CDC42BPB: variants seen among roughly 807,000 people sequenced by gnomAD.
CDC42BPB encodes the protein CDC42 binding protein kinase beta, also known as serine/threonine-protein kinase MRCK beta.
In CDC42BPB, 37 loss-of-function variants were observed where a neutral mutation model predicts 214.9. The observed-to-expected ratio is 0.17, with a 90% CI of 0.13 to 0.23. The LOEUF is 0.23. Among genes scored for constraint, CDC42BPB ranks in the 10% least tolerant of loss-of-function variants. CDC42BPB has a pLI of 1.00. For missense variants in CDC42BPB, 1,694 were observed against 2,227.0 expected (o/e 0.76, Z 4.82); for synonymous variants, 931 against 884.0 (o/e 1.05, Z -0.94).
intron 4 of CDC42BPB, among the ~76,000 whole-genome samples, chr14:103,000,571 C>T (rs545845250): frequency 6.6e-6 from 1 of 152,368 alleles, no homozygotes; most frequent in East Asian, 1.9e-4. Flanking sequence ...TGGGGAAGCA[C>T]GTGGCCTGAA....
chr14:102,964,756 C>T (rs1378742504), intron 18 of CDC42BPB, 106 bp from the exon 19 acceptor site: 2 of 1,387,726 alleles, frequency 1.4e-6, no homozygotes, highest in Non-Finnish European at 1.9e-6. Flanking sequence ...ATTACGGTCT[C>T]ATTTAGATAT....
At chr14:102,983,831 A>G (rs1039255452) in intron 6 of CDC42BPB, 75 bp from the exon 7 acceptor site, 6 of 1,518,948 alleles carry the variant, frequency 4.0e-6, no homozygotes, top group Non-Finnish European at 5.3e-6. Flanking sequence ...TTTCTCTAAA[A>G]TATAGCGGAG....
chr14:102,940,747 G>C (rs1257704847), intron 30 of CDC42BPB: 1 of 242,720 alleles, frequency 4.1e-6, no homozygotes, highest in Non-Finnish European at 8.2e-6. Context: ...CCGGTTTCCA[G>C]GTAGGTATTA....
chr14:103,056,936 ATGCGCGGGCTGG>A, intron 1 of CDC42BPB, 51 bp downstream of exon 1: 2 of 1,167,396 alleles, frequency 1.7e-6, no homozygotes, highest in Non-Finnish European at 2.2e-6. Flanking sequence ...GGGCGTGGGG[ATGCGCGGGCTGG>A]GGCGCGGGGG....
intron 5 of CDC42BPB, among the ~76,000 whole-genome samples, chr14:102,992,985 C>G (rs1357634679): frequency 6.6e-6 from 1 of 151,788 alleles, no homozygotes; most frequent in Admixed American, 6.6e-5. Flanking sequence ...TGCACTACCA[C>G]GCCCAGCTAG....
chr14:102,983,319 C>T (rs956486906), intron 7 of CDC42BPB, among the ~76,000 whole-genome samples: 1 of 152,100 alleles, frequency 6.6e-6, no homozygotes, highest in Non-Finnish European at 1.5e-5. Context: ...GTGGGGGTCA[C>T]CCTCAGAACC....
At chr14:102,989,702 T>G (rs143685745) in intron 5 of CDC42BPB, among the ~76,000 whole-genome samples, 1,934 of 152,164 alleles carry the variant, frequency 0.013, 20 homozygotes, top group Non-Finnish European at 0.021. Flanking sequence ...GAGTACCCTG[T>G]CTTTATTAAA....
intron 1 of CDC42BPB, among the ~76,000 whole-genome samples, chr14:103,048,416 C>T (rs1045669975): frequency 3.3e-5 from 5 of 150,830 alleles, no homozygotes; most frequent in African/African-American, 7.3e-5. Context: ...TGGCTGGGCG[C>T]GGTAGCTCAC....
intron 36 of CDC42BPB, chr14:102,934,144 C>T: frequency 1.6e-6 from 1 of 629,350 alleles, no homozygotes. Context: ...TGCCTGTAAT[C>T]CCAGCACTTT....
At chr14:102,949,972 C>A (rs1177451124) in intron 25 of CDC42BPB, 68 bp from the exon 26 acceptor site, 14 of 1,588,068 alleles carry the variant, frequency 8.8e-6, no homozygotes, top group African/African-American at 1.3e-5. Context: ...CCATTACACT[C>A]GTTCACAATC....
chr14:103,035,110 G>A (rs1244609764), intron 1 of CDC42BPB, among the ~76,000 whole-genome samples: 2 of 150,896 alleles, frequency 1.3e-5, no homozygotes, highest in South Asian at 4.2e-4. Flanking sequence ...AGGCTGGAGT[G>A]CAAGTGGCAC....
At chr14:102,971,347 C>T (rs538271794) in intron 13 of CDC42BPB, among the ~76,000 whole-genome samples, 18 of 152,154 alleles carry the variant, frequency 1.2e-4, no homozygotes, top group Non-Finnish European at 2.5e-4. Context: ...TAATTTCTGC[C>T]ATGGTGCATG....
chr14:103,007,802 A>AGCG (rs891652790), intron 3 of CDC42BPB, among the ~76,000 whole-genome samples: 1 of 151,784 alleles, frequency 6.6e-6, no homozygotes, highest in African/African-American at 2.4e-5. Flanking sequence ...AGCAGGAAGC[A>AGCG]GGTCAACTGG....
intron 1 of CDC42BPB, among the ~76,000 whole-genome samples, chr14:103,034,479 C>T (rs1369467974): frequency 2.0e-5 from 3 of 152,128 alleles, no homozygotes; most frequent in Admixed American, 2.0e-4. Context: ...CAATCAACAA[C>T]AGGAATTACC....
intron 18 of CDC42BPB, among the ~76,000 whole-genome samples, chr14:102,965,769 C>T (rs1336448272): frequency 6.6e-6 from 1 of 152,004 alleles, no homozygotes; most frequent in South Asian, 2.1e-4. Context: ...CCAGCCTGGC[C>T]AACATGGTGG....
At chr14:102,964,872 T>A in intron 18 of CDC42BPB, 1 of 589,846 alleles carries the variant, frequency 1.7e-6, no homozygotes, top group Non-Finnish European at 2.1e-6. Flanking sequence ...TAATTTACTT[T>A]ATCTTTTAGA....
At chr14:103,018,121 A>T (rs746565962) in intron 1 of CDC42BPB, among the ~76,000 whole-genome samples, 8 of 152,168 alleles carry the variant, frequency 5.3e-5, no homozygotes, top group Non-Finnish European at 1.0e-4. Flanking sequence ...TCAAATACAC[A>T]GTTCACAATA....
At chr14:103,005,100 G>A (rs1050602873) in intron 3 of CDC42BPB, among the ~76,000 whole-genome samples, 17 of 151,672 alleles carry the variant, frequency 1.1e-4, no homozygotes, top group African/African-American at 3.6e-4. Context: ...CCCAGGAGGC[G>A]GAGCTTGCAG....
chr14:103,003,107 A>G (rs1162061789), intron 4 of CDC42BPB, among the ~76,000 whole-genome samples: 1 of 152,092 alleles, frequency 6.6e-6, no homozygotes, highest in African/African-American at 2.4e-5. Flanking sequence ...CACAGCGACC[A>G]CGCCCCTCTC....
Sources: allele counts gnomAD v4.1 joint callset (sites outside exome capture counted in the v4.1 genomes callset), GRCh38; gene constraint gnomAD v4.1.1; transcripts MANE v1.5; gene names NCBI Gene and HGNC (gene_info 2026-07-23, HGNC 2026-07-21).